Variants in AGBL1 observed in about 807,000 individuals in gnomAD.
AGBL1 encodes AGBL carboxypeptidase 1, also known as cytosolic carboxypeptidase 4.
In AGBL1, 130 loss-of-function variants were observed where a neutral mutation model predicts 118.9. The ratio of observed to expected loss-of-function variants is 1.09; its 90% CI spans 0.95 to 1.26. The LOEUF (loss-of-function observed/expected upper bound fraction) is 1.26, where lower values mean the gene tolerates loss of function less well. Ranked by LOEUF, AGBL1 falls within the 50% of genes most tolerant of loss-of-function variation. The pLI is 0.00. For missense variants in AGBL1, 1,584 were observed against 1,298.1 expected, an observed-to-expected ratio of 1.22 and a Z score of -3.38; for synonymous variants, 555 against 478.9, an observed-to-expected ratio of 1.16 and a Z score of -2.08.
chr15:86,371,008 C>T (rs1041131605), intron 17 of AGBL1, among the ~76,000 whole-genome samples: 1 of 152,148 alleles, frequency 6.6e-6, no homozygotes, highest in African/African-American at 2.4e-5. Flanking sequence ...TGAGAATCAT[C>T]AGCATTCAGA....
At position 86,433,266 on chromosome 15, in the gene AGBL1, C is replaced by CTTTT. The variant is rs59417397; in HGVS notation, c.2555+35744_2555+35747dup. Among the ~76,000 whole-genome samples the CTTTT allele has an allele frequency of 5.9e-3, 438 of 74,850 alleles. 75 individuals carry two copies. Among genetic ancestry groups the CTTTT allele is most frequent in the African/African-American group, 0.014 (267 of 18,970 alleles). The allele number at this position is 74,850 out of a possible 152,430, so 49.1% of individuals were successfully genotyped here. A position where few individuals can be genotyped will look rare whatever the true frequency, so the allele number is the denominator to read the frequency against. On this transcript the variant is annotated intron_variant, in intron 18 of 22. Transcript: ENST00000614907. ...TCTCCTCCTCCTCCTCCTCCTTCTTCTTTTTTTTTTTTTTTTTTTTTTTTT... is the reference window on the plus strand; with the variant it reads ...TCTCCTCCTCCTCCTCCTCCTTCTTCTTTTTTTTTTTTTTTTTTTTTTTTTTTTT...
chr15:86,259,087 G>A lies in AGBL1; in HGVS notation c.969+1056G>A, dbSNP rs73449556. Among the ~76,000 whole-genome samples the A allele has an allele frequency of 6.2e-3, 938 of 152,298 alleles. 8 individuals carry two copies. The highest frequency in any genetic ancestry group is 0.022 in the African/African-American group (898 of 41,548). On this transcript the variant is annotated intron_variant, in intron 9 of 22. Coordinates refer to ENST00000614907, the MANE Select transcript of AGBL1 (RefSeq NM_001386094.1). Reference sequence around the variant, plus strand: ...TGTACAACAAGTTTTCTAGACCTTGGCACTGTTGGCATTTAGACCGGTTAC... The same window carrying A: ...TGTACAACAAGTTTTCTAGACCTTGACACTGTTGGCATTTAGACCGGTTAC...
chr15:86,540,322 G>A (rs995775626), intron 19 of AGBL1, among the ~76,000 whole-genome samples: 2 of 152,012 alleles, frequency 1.3e-5, no homozygotes, highest in Non-Finnish European at 2.9e-5. Context: ...GGTGGGGAGC[G>A]GTGGCTCACA....
intron 14 of AGBL1, 83 bp from the exon 15 acceptor site, chr15:86,271,536 A>C (rs2079161724): frequency 6.8e-6 from 7 of 1,024,982 alleles, no homozygotes; most frequent in Non-Finnish European, 1.1e-5. Flanking sequence ...AGGGATTAAG[A>C]CCTATGTGTA....
chr15:86,463,417 T>C (rs1327459230), intron 18 of AGBL1, among the ~76,000 whole-genome samples: 1 of 152,200 alleles, frequency 6.6e-6, no homozygotes. Context: ...ATAGTTTCTT[T>C]TGCTGTGCAG....
chr15:86,408,936 T>C (rs1383778090), intron 18 of AGBL1, among the ~76,000 whole-genome samples: 1 of 152,156 alleles, frequency 6.6e-6, no homozygotes, highest in Non-Finnish European at 1.5e-5. Flanking sequence ...AATGTGAAGA[T>C]ATTCTCCTAG....
intron 21 of AGBL1, among the ~76,000 whole-genome samples, chr15:86,571,313 C>G (rs555743975): frequency 6.6e-6 from 1 of 152,146 alleles, no homozygotes; most frequent in Non-Finnish European, 1.5e-5. Context: ...ATCTTTCAGC[C>G]TCACCATTCA....
chr15:86,229,626 C>T (rs972178401), intron 6 of AGBL1, among the ~76,000 whole-genome samples: 5 of 152,126 alleles, frequency 3.3e-5, no homozygotes, highest in Non-Finnish European at 7.4e-5. Flanking sequence ...TTTCCCTCAT[C>T]CTTTTTGTCA....
At chr15:86,931,566 TTGCTGCTGCTGC>T (rs59067780) in intron 23 of AGBL1, among the ~76,000 whole-genome samples, 34,976 of 150,366 alleles carry the variant, frequency 0.23, 4,399 homozygotes, top group South Asian at 0.33. Flanking sequence ...AGTGGTGCTT[TTGCTGCTGCTGC>T]TGCTGCTGCT....
chr15:86,332,360 C>G (rs940793415), intron 17 of AGBL1, among the ~76,000 whole-genome samples: 1 of 151,988 alleles, frequency 6.6e-6, no homozygotes, highest in African/African-American at 2.4e-5. Context: ...AACTAACAAA[C>G]TCCGGGCCAG....
At chr15:86,851,022 G>A (rs1005862044) in intron 22 of AGBL1, among the ~76,000 whole-genome samples, 39 of 152,138 alleles carry the variant, frequency 2.6e-4, no homozygotes, top group Admixed American at 2.1e-3. Flanking sequence ...ATTTGGAGAG[G>A]CTTTTTGGTC....
At chr15:86,123,171 C>T (rs1898193645) in intron 1 of AGBL1, among the ~76,000 whole-genome samples, 1 of 152,106 alleles carries the variant, frequency 6.6e-6, no homozygotes, top group Non-Finnish European at 1.5e-5. Flanking sequence ...GATAAGAGAT[C>T]TGAAGCCTGC....
chr15:86,671,223 T>C lies in AGBL1; in HGVS notation c.2995-3050T>C, dbSNP rs1327468893. 2.0e-5 allele frequency among the ~76,000 whole-genome samples: 3 copies of C among 152,148 alleles called. No homozygotes were observed. In the East Asian group the frequency reaches 5.8e-4, roughly 29 times the overall value. On this transcript the variant is annotated intron_variant, in intron 21 of 22. Coordinates refer to ENST00000614907, the MANE Select transcript of AGBL1 (RefSeq NM_001386094.1). ...TTTCTCTTTCTTTTTCCTCAGATGA[T>C]GATGTGGTTGCTGGAGCCATAGCAA...
At chr15:86,261,847 C>T (rs8033536) in intron 9 of AGBL1, among the ~76,000 whole-genome samples, 10,967 of 151,980 alleles carry the variant, frequency 0.072, 473 homozygotes, top group South Asian at 0.12. Flanking sequence ...AAAAGACTCA[C>T]GGTGCCTTGG....
At chr15:86,091,722 C>A (rs1425116772) in intron 1 of AGBL1, among the ~76,000 whole-genome samples, 1 of 152,130 alleles carries the variant, frequency 6.6e-6, no homozygotes, top group East Asian at 1.9e-4. Context: ...TTTGTCTCAG[C>A]GAATGAAGCT....
intron 1 of AGBL1, among the ~76,000 whole-genome samples, chr15:86,102,907 A>G (rs1393013555): frequency 6.6e-6 from 1 of 151,728 alleles, no homozygotes; most frequent in African/African-American, 2.4e-5. Flanking sequence ...CTATTTTTCT[A>G]TTGTCTTTCT....
intron 23 of AGBL1, among the ~76,000 whole-genome samples, chr15:86,925,938 G>A (rs1341603296): frequency 6.6e-6 from 1 of 151,860 alleles, no homozygotes; most frequent in African/African-American, 2.4e-5. Context: ...CACTGTGTTA[G>A]TTACGATGGT....
At chr15:86,842,274 T>C (rs1192182798) in intron 22 of AGBL1, among the ~76,000 whole-genome samples, 2 of 151,944 alleles carry the variant, frequency 1.3e-5, no homozygotes, top group Admixed American at 6.6e-5. Context: ...TTTTAAGAAC[T>C]GGAAAGCTTT....
At chr15:86,843,247 C>G (rs2079270331) in intron 22 of AGBL1, among the ~76,000 whole-genome samples, 1 of 152,152 alleles carries the variant, frequency 6.6e-6, no homozygotes, top group Non-Finnish European at 1.5e-5. Flanking sequence ...AGACTTCACT[C>G]AGCTTTGAGG....
Sources: allele counts gnomAD v4.1 joint callset (sites outside exome capture counted in the v4.1 genomes callset), GRCh38; gene constraint gnomAD v4.1.1; transcripts MANE v1.5; gene names NCBI Gene and HGNC (gene_info 2026-07-23, HGNC 2026-07-21).